The following SAMD12 variants were observed in gnomAD, a reference collection of about 807,000 sequenced individuals.
SAMD12 encodes the protein sterile alpha motif domain containing 12.
Under a neutral mutation model 15.0 loss-of-function variants are expected in SAMD12, and 9 were observed. The ratio of observed to expected loss-of-function variants is 0.60; its 90% CI spans 0.36 to 1.05. SAMD12 has a LOEUF of 1.05. Among genes scored for constraint, SAMD12 ranks in the 50% least tolerant of loss-of-function variants. The probability of loss-of-function intolerance (pLI) is 0.01; values close to 1 mark genes in which losing one functional copy is unlikely to be tolerated. For missense variants in SAMD12, 230 were observed against 234.2 expected (o/e 0.98, Z 0.12); for synonymous variants, 86 against 90.1 (o/e 0.96, Z 0.25).
At chr8:118,591,559 T>G (rs567003449) in intron 1 of SAMD12, among the ~76,000 whole-genome samples, 9 of 152,212 alleles carry the variant, frequency 5.9e-5, no homozygotes, top group Non-Finnish European at 1.3e-4. Context: ...ACAATTTTAA[T>G]AACAGTTAAA....
the SAMD12 span, among the ~76,000 whole-genome samples, chr8:118,132,968 GTGTGTATATA>G: frequency 3.6e-5 from 2 of 55,876 alleles, no homozygotes; most frequent in African/African-American, 2.1e-4. Flanking sequence ...ATATGTGTGT[GTGTGTATATA>G]TATATATATA....
At chr8:118,271,977 CTG>C (rs1182885691) in intron 4 of SAMD12, among the ~76,000 whole-genome samples, 2 of 152,190 alleles carry the variant, frequency 1.3e-5, no homozygotes, top group Non-Finnish European at 2.9e-5. Flanking sequence ...ATTCTGAGGT[CTG>C]TAGGACAGTG....
chr8:118,157,624 A>G, the SAMD12 span, among the ~76,000 whole-genome samples: 1 of 152,232 alleles, frequency 6.6e-6, no homozygotes, highest in Non-Finnish European at 1.5e-5. Context: ...CTCTTTATCA[A>G]GTGTGATAAA....
At chr8:118,415,489 A>G (rs867868723) in intron 3 of SAMD12, among the ~76,000 whole-genome samples, 1 of 70,258 alleles carries the variant, frequency 1.4e-5, no homozygotes, top group Non-Finnish European at 3.2e-5. Context: ...GTGTGTGTGT[A>G]GACTACTGCC....
At chr8:118,195,177 AAAGT>A (rs1231938832) in exon 5 of SAMD12, 1 of 152,222 alleles carries the variant, frequency 6.6e-6, no homozygotes, top group African/African-American at 2.4e-5. Flanking sequence ...TGCAAAGGCC[AAAGT>A]AAGTAACAAT....
intron 3 of SAMD12, among the ~76,000 whole-genome samples, chr8:118,423,138 G>T (rs1822078220): frequency 6.6e-6 from 1 of 152,172 alleles, no homozygotes; most frequent in African/African-American, 2.4e-5. Context: ...GAGCCGTGAT[G>T]TCACATGTCA....
chr8:118,505,459 G>A (rs777235389), intron 2 of SAMD12, among the ~76,000 whole-genome samples: 2 of 151,686 alleles, frequency 1.3e-5, no homozygotes, highest in Non-Finnish European at 2.9e-5. Flanking sequence ...TGTTAGGTTG[G>A]CTTCTATGAA....
chr8:118,483,973 G>T (rs1824204798), intron 2 of SAMD12, among the ~76,000 whole-genome samples: 2 of 152,186 alleles, frequency 1.3e-5, no homozygotes. Context: ...TGCACAACAA[G>T]AAACTAAACT....
intron 4 of SAMD12, among the ~76,000 whole-genome samples, chr8:118,202,220 T>G (rs1349141104): frequency 6.6e-6 from 1 of 152,234 alleles, no homozygotes; most frequent in Non-Finnish European, 1.5e-5. Flanking sequence ...CATGAATTCC[T>G]AAAATTCCTT....
chr8:118,400,204 G>A (rs1300942588), intron 3 of SAMD12: 1 of 152,200 alleles, frequency 6.6e-6, no homozygotes, highest in East Asian at 1.9e-4. Context: ...CAGGCACTGT[G>A]ATAAGTGCTC....
the SAMD12 span, among the ~76,000 whole-genome samples, chr8:118,184,176 AT>A: frequency 4.9e-5 from 7 of 142,694 alleles, no homozygotes; most frequent in East Asian, 1.9e-4. Context: ...ATAAAAAAAA[AT>A]ATATAAAACC....
chr8:118,502,668 T>C (rs954948948), intron 2 of SAMD12, among the ~76,000 whole-genome samples: 3 of 152,234 alleles, frequency 2.0e-5, no homozygotes, highest in Non-Finnish European at 4.4e-5. Flanking sequence ...AGCAAACATC[T>C]GTTGAACTCC....
At chr8:118,502,537 T>C (rs1347965756) in intron 2 of SAMD12, among the ~76,000 whole-genome samples, 2 of 152,208 alleles carry the variant, frequency 1.3e-5, no homozygotes, top group Non-Finnish European at 2.9e-5. Flanking sequence ...TTCTAATAAC[T>C]GTGTAAAAGT....
chr8:118,279,950 T>C (rs1456199194), intron 4 of SAMD12, among the ~76,000 whole-genome samples: 1 of 152,206 alleles, frequency 6.6e-6, no homozygotes, highest in East Asian at 1.9e-4. Flanking sequence ...ATGCCCTATG[T>C]TGGCAAGTTT....
At chr8:118,486,329 T>C (rs1824283201) in intron 2 of SAMD12, among the ~76,000 whole-genome samples, 1 of 151,288 alleles carries the variant, frequency 6.6e-6, no homozygotes, top group South Asian at 2.1e-4. Flanking sequence ...GGCAGGAGAA[T>C]GGCGTGAACC....
In SAMD12 at chr8:118,282,364, G is replaced by T. The variant is rs11562783; in HGVS notation, c.434-84632C>A. 4,335 of 456,192 alleles carry T rather than the reference G, an allele frequency of 9.5e-3. 176 individuals carry two copies. Among genetic ancestry groups the T allele is most frequent in the African/African-American group, 0.077 (3,848 of 50,156 alleles). 28.3% of individuals were successfully genotyped at this position (456,192 alleles called of 1,614,324 possible). ...AGGCTTTCTCCTTCTCAATGCTCTC[G>T]TATAGGCTGGTGTTGGTTGAAAGCT... On this transcript the variant is annotated intron_variant, in intron 4 of 4. Coordinates refer to the SAMD12 transcript ENST00000409003.
At chr8:118,218,005 T>C (rs1812002242) in intron 4 of SAMD12, among the ~76,000 whole-genome samples, 1 of 152,172 alleles carries the variant, frequency 6.6e-6, no homozygotes, top group African/African-American at 2.4e-5. Context: ...CTTGGTCACA[T>C]GTGGTCCTAC....
chr8:118,221,412 T>C (rs992094973), intron 4 of SAMD12, among the ~76,000 whole-genome samples: 1 of 152,178 alleles, frequency 6.6e-6, no homozygotes, highest in African/African-American at 2.4e-5. Context: ...TATTTCCTTG[T>C]ATTGCTAGAG....
chr8:118,459,854 C>G (rs1823364269), intron 2 of SAMD12, among the ~76,000 whole-genome samples: 1 of 152,216 alleles, frequency 6.6e-6, no homozygotes, highest in African/African-American at 2.4e-5. Context: ...GAAACACGGA[C>G]AAGACACTTG....
Sources: gnomAD v4.1 joint callset for allele counts (sites outside exome capture counted in the v4.1 genomes callset) on GRCh38, gnomAD v4.1.1 for gene constraint, MANE v1.5 for transcripts, NCBI Gene and HGNC (gene_info 2026-07-23, HGNC 2026-07-21) for gene names.